ROR2: variants seen among roughly 807,000 people sequenced by gnomAD.
ROR2 encodes ROR family WNT receptor 2.
In ROR2, 33 loss-of-function variants were observed where a neutral mutation model predicts 74.9. That is an observed-to-expected ratio of 0.44 (90% CI 0.33 to 0.59). ROR2 has a LOEUF of 0.59. Ranked by LOEUF, ROR2 falls within the 20% of genes least tolerant of loss-of-function variation. ROR2 has a pLI of 0.02. For missense variants in ROR2, 1,216 were observed against 1,313.8 expected, an observed-to-expected ratio of 0.93 and a Z score of 1.15; for synonymous variants, 586 against 558.7, an observed-to-expected ratio of 1.05 and a Z score of -0.69.
intron 1 of ROR2, among the ~76,000 whole-genome samples, chr9:91,931,479 C>T (rs1310155193): frequency 6.6e-6 from 1 of 152,136 alleles, no homozygotes; most frequent in African/African-American, 2.4e-5. Context: ...ATACCTTCAA[C>T]TTTTCTCTCT....
In ROR2 at chr9:91,723,985, A is replaced by C. The variant is rs992732083; in HGVS notation, c.2509T>G (p.Phe837Val). Residue 837 changes from phenylalanine to valine, a missense_variant, in exon 9 of 9, where the codon TTC (phenylalanine) becomes GTC (valine). Coordinates refer to ENST00000375708, the MANE Select transcript of ROR2 (RefSeq NM_004560.4). ...VPAYGAYLPN[F>V]YPVQIPMQMA... ...TGCATTGGGATCTGCACCGGGTAGA[A>C]GTTGGGCAGGTAGGCCCCATAGGCC... 36 of 1,612,886 alleles carry C rather than the reference A, an allele frequency of 2.2e-5. No homozygotes were observed. Among genetic ancestry groups the C allele is most frequent in the Non-Finnish European group, 2.9e-5 (34 of 1,180,024 alleles).
At chr9:91,795,693 G>GC (rs1009377733) in intron 1 of ROR2, among the ~76,000 whole-genome samples, 10 of 152,094 alleles carry the variant, frequency 6.6e-5, no homozygotes. Context: ...ACAGCCAGAA[G>GC]CCCTAAACTA....
rs1041661985 is a variant in ROR2, at chr9:91,829,850, C to A, written c.98-54032G>T. Among the ~76,000 whole-genome samples the A allele has an allele frequency of 2.6e-5, 4 of 152,122 alleles. No individual in the cohort carries two copies. In the East Asian group the frequency reaches 7.7e-4, roughly 29 times the overall value. ...CCACACCCACAATAAATATTTTTAACGTAATACAAATAAATGAACCATCAT... is the reference window on the plus strand; with the variant it reads ...CCACACCCACAATAAATATTTTTAAAGTAATACAAATAAATGAACCATCAT... On this transcript the variant is annotated intron_variant, in intron 1 of 8. Coordinates refer to ENST00000375708, the MANE Select transcript of ROR2 (RefSeq NM_004560.4).
intron 1 of ROR2, among the ~76,000 whole-genome samples, chr9:91,777,998 T>C (rs986787785): frequency 4.6e-5 from 7 of 152,076 alleles, no homozygotes; most frequent in Non-Finnish European, 1.0e-4. Context: ...AAAACATACA[T>C]GAGGCCGCAG....
intron 4 of ROR2, among the ~76,000 whole-genome samples, chr9:91,741,117 T>A (rs1825221726): frequency 6.6e-6 from 1 of 152,012 alleles, no homozygotes; most frequent in East Asian, 1.9e-4. Context: ...CTGGCCAACA[T>A]GATGAAACTC....
chr9:91,752,510 G>T (rs1169467993), intron 4 of ROR2, among the ~76,000 whole-genome samples: 1 of 152,178 alleles, frequency 6.6e-6, no homozygotes, highest in African/African-American at 2.4e-5. Context: ...TCATTTCTGT[G>T]ATGTTTAATA....
At chr9:91,940,884 G>A (rs1027448397) in intron 1 of ROR2, among the ~76,000 whole-genome samples, 15 of 151,972 alleles carry the variant, frequency 9.9e-5, no homozygotes, top group Non-Finnish European at 1.5e-4. Flanking sequence ...TTACAGGCGT[G>A]AGCCACCACC....
chr9:91,778,099 C>G (rs1826480736), intron 1 of ROR2, among the ~76,000 whole-genome samples: 1 of 152,190 alleles, frequency 6.6e-6, no homozygotes, highest in South Asian at 2.1e-4. Context: ...TAGGAGCAGC[C>G]AGGCTGGCCT....
chr9:91,861,637 A>C (rs1829470435), intron 1 of ROR2, among the ~76,000 whole-genome samples: 1 of 152,244 alleles, frequency 6.6e-6, no homozygotes, highest in Non-Finnish European at 1.5e-5. Flanking sequence ...GTAAGCACTA[A>C]AACTATAAAA....
At chr9:91,728,945 T>C (rs1426629969) in intron 7 of ROR2, among the ~76,000 whole-genome samples, 1 of 152,228 alleles carries the variant, frequency 6.6e-6, no homozygotes, top group Non-Finnish European at 1.5e-5. Flanking sequence ...CTCTCACAAG[T>C]GATTCTGCAA....
At chr9:91,911,573 G>A (rs1046995850) in intron 1 of ROR2, among the ~76,000 whole-genome samples, 8 of 152,104 alleles carry the variant, frequency 5.3e-5, no homozygotes, top group Non-Finnish European at 7.4e-5. Flanking sequence ...TAGGGAAGTA[G>A]GGACCAAAGA....
At chr9:91,857,728 C>T (rs1319779293) in intron 1 of ROR2, among the ~76,000 whole-genome samples, 1 of 152,108 alleles carries the variant, frequency 6.6e-6, no homozygotes, top group African/African-American at 2.4e-5. Context: ...CCCTCCCCTC[C>T]GCCCCCTCCC....
At chr9:91,839,184 G>A (rs898268906) in intron 1 of ROR2, among the ~76,000 whole-genome samples, 3 of 152,068 alleles carry the variant, frequency 2.0e-5, no homozygotes, top group Non-Finnish European at 4.4e-5. Context: ...GAGGCTGGGT[G>A]TATTTCGTGT....
chr9:91,832,628 C>G (rs990696781), intron 1 of ROR2, among the ~76,000 whole-genome samples: 1 of 152,202 alleles, frequency 6.6e-6, no homozygotes, highest in African/African-American at 2.4e-5. Context: ...CCACCAGGGA[C>G]AGTAGCCTCA....
intron 4 of ROR2, among the ~76,000 whole-genome samples, chr9:91,749,706 G>A (rs975236256): frequency 1.3e-5 from 2 of 152,238 alleles, no homozygotes; most frequent in East Asian, 1.9e-4. Context: ...CAGGACAGGG[G>A]TGATATTAAA....
chr9:91,809,451 C>A (rs1827674149), intron 1 of ROR2, among the ~76,000 whole-genome samples: 1 of 152,242 alleles, frequency 6.6e-6, no homozygotes, highest in African/African-American at 2.4e-5. Flanking sequence ...CATTCATTTT[C>A]ACAGCCACTG....
intron 1 of ROR2, among the ~76,000 whole-genome samples, chr9:91,939,616 G>A (rs1176688019): frequency 1.3e-5 from 2 of 151,838 alleles, no homozygotes; most frequent in Admixed American, 6.6e-5. Context: ...TCTCTCTGTG[G>A]TAAAGGCCAT....
chr9:91,738,593 T>C (rs1358811481), intron 4 of ROR2, among the ~76,000 whole-genome samples: 1 of 152,176 alleles, frequency 6.6e-6, no homozygotes, highest in African/African-American at 2.4e-5. Flanking sequence ...GCAGAAATAT[T>C]TGAAAAGGAG....
At chr9:91,738,105 C>T (rs1825099205) in intron 4 of ROR2, among the ~76,000 whole-genome samples, 1 of 151,956 alleles carries the variant, frequency 6.6e-6, no homozygotes, top group African/African-American at 2.4e-5. Context: ...TGGGCAAAAC[C>T]CATAGAAGGT....
Sources: gnomAD v4.1 joint callset for allele counts (sites outside exome capture counted in the v4.1 genomes callset) on GRCh38, gnomAD v4.1.1 for gene constraint, MANE v1.5 for transcripts, NCBI Gene and HGNC (gene_info 2026-07-23, HGNC 2026-07-21) for gene names.